SCN2A: variants seen among roughly 807,000 people sequenced by gnomAD.
SCN2A encodes sodium voltage-gated channel alpha subunit 2.
SCN2A carries 20 observed loss-of-function variants against 188.7 expected under a neutral mutation model. The observed-to-expected ratio is 0.11, with a 90% CI of 0.07 to 0.15. SCN2A has a LOEUF of 0.15. Among genes scored for constraint, SCN2A ranks in the 10% least tolerant of loss-of-function variants. The pLI is 1.00. For synonymous variants in SCN2A, 804 were observed against 833.1 expected (o/e 0.97, Z 0.60); for missense variants, 1,278 against 2,445.0 (o/e 0.52, Z 10.07).
intron 14 of SCN2A, among the ~76,000 whole-genome samples, chr2:165,337,134 G>A (rs1699045570): frequency 6.6e-6 from 1 of 151,892 alleles, no homozygotes; most frequent in South Asian, 2.1e-4. Context: ...CTGTAAAAAG[G>A]AATAACTCAG....
intron 1 of SCN2A, among the ~76,000 whole-genome samples, chr2:165,253,133 TA>T (rs1168737845): frequency 1.3e-5 from 2 of 152,006 alleles, no homozygotes; most frequent in African/African-American, 2.4e-5. Context: ...CATGAAAGGA[TA>T]GGGGGGTTCT....
chr2:165,313,330 C>G (rs921420341), intron 8 of SCN2A, among the ~76,000 whole-genome samples: 8 of 152,042 alleles, frequency 5.3e-5, no homozygotes, highest in African/African-American at 1.9e-4. Flanking sequence ...TTTAACTGCC[C>G]TTAAGTCCCA....
At position 165,291,341 on chromosome 2, in the gene SCN2A, G is replaced by A. The variant is rs561755417; in HGVS notation, c.-51-4432G>A. Among the ~76,000 whole-genome samples the A allele has an allele frequency of 1.2e-4, 18 of 145,924 alleles. No individual in the cohort carries two copies. The South Asian group carries it at 4.0e-3, about 32-fold the overall frequency. On this transcript the variant is annotated intron_variant, in intron 1 of 26. Transcript: ENST00000375437. ...TTACAGGCATGAGCCACCGGGACTT[G>A]TCTGTCGTTCGTTCCTTCCTTCCTT...
At chr2:165,249,158 CAT>C (rs1693985893) in intron 1 of SCN2A, among the ~76,000 whole-genome samples, 1 of 152,102 alleles carries the variant, frequency 6.6e-6, no homozygotes, top group Non-Finnish European at 1.5e-5. Flanking sequence ...ACTTGGTCAT[CAT>C]ATCTGTCTCC....
At chr2:165,265,009 T>A (rs986092968) in intron 1 of SCN2A, among the ~76,000 whole-genome samples, 1 of 152,142 alleles carries the variant, frequency 6.6e-6, no homozygotes, top group Non-Finnish European at 1.5e-5. Context: ...CTGGATCAAA[T>A]GGCATTTCAG....
In SCN2A at chr2:165,392,282, A is replaced by G. The variant is rs1023098319; in HGVS notation, c.*2458A>G. ...AGGTAGACTAGTGGAAAGTTACAAA[A>G]ATTAATAAAAAATTGACTAACATTT... On this transcript the variant is annotated 3_prime_UTR_variant, in exon 27 of 27. Coordinates refer to ENST00000375437, the MANE Select transcript of SCN2A (RefSeq NM_001040142.2). 6.6e-6 allele frequency: 1 copy of G among 152,376 alleles called. No homozygotes were observed. The highest frequency in any genetic ancestry group is 6.6e-5 in the Admixed American group (1 of 15,244). 9.4% of individuals were successfully genotyped at this position (152,376 alleles called of 1,614,324 possible). A position where few individuals can be genotyped will look rare whatever the true frequency, so the allele number is the denominator to read the frequency against.
chr2:165,295,581 G>A (rs1696462364), intron 1 of SCN2A, among the ~76,000 whole-genome samples, 192 bp from the exon 2 acceptor site: 1 of 152,196 alleles, frequency 6.6e-6, no homozygotes, highest in Non-Finnish European at 1.5e-5. Context: ...CCTACTGAAT[G>A]TGAGAGATAG....
chr2:165,347,134 C>A (rs948054858), intron 16 of SCN2A, among the ~76,000 whole-genome samples: 1 of 152,156 alleles, frequency 6.6e-6, no homozygotes, highest in Non-Finnish European at 1.5e-5. Flanking sequence ...TATAAAGATG[C>A]ATGCACACGT....
chr2:165,349,875 C>T (rs1181086755), intron 16 of SCN2A, among the ~76,000 whole-genome samples: 1 of 152,146 alleles, frequency 6.6e-6, no homozygotes, highest in Non-Finnish European at 1.5e-5. Context: ...TTCTTCCTTC[C>T]TATTCTCACT....
intron 17 of SCN2A, 78 bp from the exon 18 acceptor site, chr2:165,365,065 G>A (rs916615194): frequency 2.3e-6 from 3 of 1,285,844 alleles, no homozygotes; most frequent in Non-Finnish European, 3.3e-6. Flanking sequence ...AAGATGGGGG[G>A]GGGGCACACC....
chr2:165,267,216 C>T (rs1694907033), intron 1 of SCN2A: 1 of 151,918 alleles, frequency 6.6e-6, no homozygotes. Flanking sequence ...AATAATGAAA[C>T]TTGGTTGCAT....
chr2:165,247,200 T>A (rs1693885213), intron 1 of SCN2A, among the ~76,000 whole-genome samples: 1 of 152,230 alleles, frequency 6.6e-6, no homozygotes, highest in African/African-American at 2.4e-5. Flanking sequence ...CCTGCATTAG[T>A]AATTTTAGCT....
At chr2:165,295,725 C>T in intron 1 of SCN2A, 48 bp from the exon 2 acceptor site, 1 of 1,565,018 alleles carries the variant, frequency 6.4e-7, no homozygotes, top group Non-Finnish European at 8.7e-7. Context: ...GACACAATCA[C>T]CTTTTATTCT....
At chr2:165,321,413 AT>A (rs777136496) in intron 11 of SCN2A, among the ~76,000 whole-genome samples, 8 of 152,100 alleles carry the variant, frequency 5.3e-5, no homozygotes, top group Non-Finnish European at 1.2e-4. Context: ...CTGCTTCCAC[AT>A]TTTTGGGTAT....
chr2:165,319,334 C>A (rs1697948796), intron 11 of SCN2A, among the ~76,000 whole-genome samples: 1 of 151,604 alleles, frequency 6.6e-6, no homozygotes, highest in African/African-American at 2.4e-5. Context: ...GAGACTCCGT[C>A]TCAAAAAATA....
chr2:165,265,468 GATCTAT>G (rs1380548893), intron 1 of SCN2A, among the ~76,000 whole-genome samples: 687 of 19,750 alleles, frequency 0.035, 6 homozygotes, highest in Middle Eastern at 0.24. Context: ...TTACTCTGTT[GATCTAT>G]ATATATATAT....
intron 17 of SCN2A, among the ~76,000 whole-genome samples, chr2:165,360,986 A>AG (rs1700432847): frequency 6.6e-6 from 1 of 152,004 alleles, no homozygotes; most frequent in African/African-American, 2.4e-5. Flanking sequence ...TACTACAGTT[A>AG]GGTTGATCGT....
intron 1 of SCN2A, among the ~76,000 whole-genome samples, chr2:165,282,969 T>C (rs1002462654): frequency 6.6e-6 from 1 of 152,178 alleles, no homozygotes; most frequent in African/African-American, 2.4e-5. Flanking sequence ...CTTGACATTA[T>C]TTGTTGAATA....
chr2:165,361,188 GC>G (rs1166305458), intron 17 of SCN2A, among the ~76,000 whole-genome samples: 3 of 151,804 alleles, frequency 2.0e-5, no homozygotes, highest in Non-Finnish European at 2.9e-5. Flanking sequence ...AGAATTTCCT[GC>G]CTATGTTTCA....
Sources: gnomAD v4.1 joint callset for allele counts (sites outside exome capture counted in the v4.1 genomes callset) on GRCh38, gnomAD v4.1.1 for gene constraint, MANE v1.5 for transcripts, NCBI Gene and HGNC (gene_info 2026-07-23, HGNC 2026-07-21) for gene names.